ADAM22: variants seen among roughly 807,000 people sequenced by gnomAD.
The protein encoded by ADAM22 is ADAM metallopeptidase domain 22.
ADAM22 carries 65 observed loss-of-function variants against 144.6 expected under a neutral mutation model. That is an observed-to-expected ratio of 0.45 (90% CI 0.37 to 0.55). The LOEUF is 0.55. Ranked by LOEUF, ADAM22 falls within the 20% of genes least tolerant of loss-of-function variation. The pLI, the probability that ADAM22 is intolerant of heterozygous loss-of-function variation, is 0.00. For missense variants in ADAM22, 974 were observed against 1,184.9 expected (o/e 0.82, Z 2.61); for synonymous variants, 391 against 412.6 (o/e 0.95, Z 0.63).
intron 7 of ADAM22, among the ~76,000 whole-genome samples, chr7:88,123,121 T>A (rs1007646449): frequency 6.6e-6 from 1 of 152,128 alleles, no homozygotes; most frequent in Admixed American, 6.6e-5. Flanking sequence ...TGGGCCCCAA[T>A]TGGTTATGGT....
chr7:88,066,728 C>T (rs550474744), intron 3 of ADAM22, among the ~76,000 whole-genome samples: 11 of 152,062 alleles, frequency 7.2e-5, no homozygotes, highest in Admixed American at 6.6e-4. Context: ...TGAGAAGAAA[C>T]CTACAAAGGA....
chr7:88,149,649 G>A (rs1477451761), intron 18 of ADAM22, among the ~76,000 whole-genome samples: 1 of 152,150 alleles, frequency 6.6e-6, no homozygotes, highest in Non-Finnish European at 1.5e-5. Context: ...CATGCAAGCT[G>A]AGACTATGCA....
chr7:87,959,909 T>C (rs1847660538), intron 2 of ADAM22, among the ~76,000 whole-genome samples: 1 of 152,200 alleles, frequency 6.6e-6, no homozygotes, highest in Admixed American at 6.5e-5. Flanking sequence ...TAATATAGTT[T>C]TAAATAAAAG....
intron 2 of ADAM22, among the ~76,000 whole-genome samples, chr7:87,936,576 T>G (rs889678079): frequency 1.1e-4 from 16 of 152,134 alleles, no homozygotes; most frequent in African/African-American, 3.6e-4. Flanking sequence ...TGGCCAATCT[T>G]GTTTTGTCTA....
At position 88,113,704 on chromosome 7, in the gene ADAM22, A is replaced by ATGTG. The variant is rs1491389091; in HGVS notation, c.474-879_474-878insGTGT. On this transcript the variant is annotated intron_variant, in intron 5 of 31. Transcript: ENST00000413139. ...ATATATATTATAAATAAATAAATAA[A>ATGTG]TATATATATATATATATATATATAT... is the stretch of plus-strand genomic sequence containing the variant. Among the ~76,000 whole-genome samples the ATGTG allele has an allele frequency of 1.6e-3, 45 of 28,072 alleles. 1 individual carries two copies. In the South Asian group the frequency reaches 0.04, roughly 25 times the overall value. 18.4% of individuals were successfully genotyped at this position (28,072 alleles called of 152,430 possible).
intron 26 of ADAM22, among the ~76,000 whole-genome samples, chr7:88,177,035 G>T (rs755034698): frequency 1.1e-4 from 16 of 152,170 alleles, no homozygotes; most frequent in Non-Finnish European, 2.2e-4. Flanking sequence ...ATAGTGCTGG[G>T]ATTACAGGCG....
chr7:88,040,336 T>C (rs1047072339), intron 3 of ADAM22, among the ~76,000 whole-genome samples: 3 of 151,944 alleles, frequency 2.0e-5, no homozygotes, highest in Non-Finnish European at 2.9e-5. Flanking sequence ...TTCACCATGT[T>C]GGCCAGGCTG....
intron 2 of ADAM22, among the ~76,000 whole-genome samples, chr7:87,958,928 G>C (rs1847430731): frequency 6.6e-6 from 1 of 151,846 alleles, no homozygotes; most frequent in African/African-American, 2.4e-5. Context: ...TTATCTTTTA[G>C]TTTATGGCTT....
chr7:88,116,623 T>C, intron 6 of ADAM22, 122 bp from the exon 7 acceptor site: 3 of 745,884 alleles, frequency 4.0e-6, no homozygotes, highest in Non-Finnish European at 2.3e-6. Context: ...TCATCACCTC[T>C]CTAAACCCAG....
chr7:88,176,006 T>C (rs370073629), intron 26 of ADAM22, among the ~76,000 whole-genome samples: 2 of 152,174 alleles, frequency 1.3e-5, no homozygotes, highest in African/African-American at 4.8e-5. Flanking sequence ...GGAGTTTCGC[T>C]CTGTCACCCA....
intron 29 of ADAM22, among the ~76,000 whole-genome samples, chr7:88,183,971 A>G (rs1182469880): frequency 6.6e-6 from 1 of 152,098 alleles, no homozygotes; most frequent in Non-Finnish European, 1.5e-5. Flanking sequence ...TGCTTCTGAT[A>G]GTATAATACC....
chr7:88,158,170 T>C (rs1840521220), intron 22 of ADAM22, among the ~76,000 whole-genome samples: 1 of 152,116 alleles, frequency 6.6e-6, no homozygotes, highest in Non-Finnish European at 1.5e-5. Flanking sequence ...CATTATGTAA[T>C]GGTAGAGGGT....
intron 30 of ADAM22, 132 bp from the exon 31 acceptor site, chr7:88,192,984 C>T: frequency 9.7e-7 from 1 of 1,029,114 alleles, no homozygotes; most frequent in African/African-American, 1.6e-5. Context: ...AATATCTTCC[C>T]AGTAGTTAAA....
At chr7:88,175,172 T>C (rs1314752707) in intron 26 of ADAM22, among the ~76,000 whole-genome samples, 1 of 152,200 alleles carries the variant, frequency 6.6e-6, no homozygotes, top group Non-Finnish European at 1.5e-5. Flanking sequence ...ACCATTAGCC[T>C]AAAGGTTTTG....
At chr7:88,032,941 G>C (rs1036838567) in intron 3 of ADAM22, among the ~76,000 whole-genome samples, 11 of 152,198 alleles carry the variant, frequency 7.2e-5, no homozygotes, top group Non-Finnish European at 1.5e-4. Context: ...CTTCCCAGAA[G>C]TAGAAGCCTG....
chr7:87,981,870 A>C (rs930752410), intron 3 of ADAM22, among the ~76,000 whole-genome samples: 1 of 96,124 alleles, frequency 1.0e-5, no homozygotes, highest in East Asian at 2.4e-4. Context: ...ATGTTATGTG[A>C]TAATAATGAT....
At chr7:88,153,942 G>C (rs1839179199) in intron 21 of ADAM22, among the ~76,000 whole-genome samples, 1 of 152,020 alleles carries the variant, frequency 6.6e-6, no homozygotes, top group African/African-American at 2.4e-5. Context: ...TAATCTTTTG[G>C]GTCTTTTTTA....
At chr7:88,070,141 T>A (rs1476679944) in intron 3 of ADAM22, among the ~76,000 whole-genome samples, 1 of 152,102 alleles carries the variant, frequency 6.6e-6, no homozygotes, top group Non-Finnish European at 1.5e-5. Context: ...ACTTCACAGG[T>A]TTCATGTGAA....
chr7:88,114,711 C>A (rs1827312835), intron 6 of ADAM22, 64 bp downstream of exon 6: 3 of 1,462,684 alleles, frequency 2.1e-6, no homozygotes, highest in South Asian at 2.4e-5. Context: ...TTTTTCCTCT[C>A]CTTTTTTTAT....
Sources: gnomAD v4.1 joint callset for allele counts (sites outside exome capture counted in the v4.1 genomes callset) on GRCh38, gnomAD v4.1.1 for gene constraint, MANE v1.5 for transcripts, NCBI Gene and HGNC (gene_info 2026-07-23, HGNC 2026-07-21) for gene names.